The following GALNT13 variants were observed in gnomAD, a reference collection of about 807,000 sequenced individuals.
The protein encoded by GALNT13 is polypeptide N-acetylgalactosaminyltransferase 13, also known as UDP-GalNAc:polypeptide N-acetylgalactosaminyltransferase 13.
A neutral mutation model predicts 64.2 loss-of-function variants in GALNT13; 28 were observed. The ratio of observed to expected loss-of-function variants is 0.44; its 90% CI spans 0.32 to 0.60. The LOEUF is 0.60. Among genes scored for constraint, GALNT13 ranks in the 20% least tolerant of loss-of-function variants. GALNT13 has a pLI of 0.05. For missense variants in GALNT13, 577 were observed against 669.8 expected, an observed-to-expected ratio of 0.86 and a Z score of 1.53; for synonymous variants, 214 against 224.6, an observed-to-expected ratio of 0.95 and a Z score of 0.42.
At chr2:154,109,476 A>G (rs913600883) in intron 3 of GALNT13, among the ~76,000 whole-genome samples, 5 of 150,310 alleles carry the variant, frequency 3.3e-5, no homozygotes, top group African/African-American at 1.2e-4. Flanking sequence ...TTTTTCTCTT[A>G]TCTTATTGCT....
chr2:153,355,258 G>T, the GALNT13 span, among the ~76,000 whole-genome samples: 2 of 152,122 alleles, frequency 1.3e-5, no homozygotes, highest in Admixed American at 6.6e-5. Flanking sequence ...CTAGAAGAAA[G>T]AATATGAATA....
At chr2:154,168,742 C>G (rs1253753727) in intron 4 of GALNT13, among the ~76,000 whole-genome samples, 1 of 150,688 alleles carries the variant, frequency 6.6e-6, no homozygotes, top group Admixed American at 6.6e-5. Flanking sequence ...ACTCAGGAGG[C>G]TGAGGCAGGA....
At chr2:153,754,595 T>G in the GALNT13 span, among the ~76,000 whole-genome samples, 188 of 152,202 alleles carry the variant, frequency 1.2e-3, no homozygotes, top group African/African-American at 4.4e-3. Flanking sequence ...GCTGCTCTGC[T>G]CAAGTAGTAG....
intron 1 of GALNT13, among the ~76,000 whole-genome samples, chr2:153,887,580 ATAT>A (rs901450832): frequency 1.4e-4 from 21 of 151,836 alleles, no homozygotes; most frequent in African/African-American, 4.8e-4. Flanking sequence ...TTCATGATAA[ATAT>A]TATGATATTA....
At chr2:153,699,953 A>C in the GALNT13 span, among the ~76,000 whole-genome samples, 1 of 152,172 alleles carries the variant, frequency 6.6e-6, no homozygotes, top group Non-Finnish European at 1.5e-5. Context: ...ACTATTCAAA[A>C]CAATTGAAAA....
chr2:153,139,978 A>G, the GALNT13 span, among the ~76,000 whole-genome samples: 1 of 151,918 alleles, frequency 6.6e-6, no homozygotes, highest in Admixed American at 6.6e-5. Context: ...TTAGCTATTT[A>G]TTTTCCTCCA....
chr2:153,073,058 T>C, the GALNT13 span, among the ~76,000 whole-genome samples: 2 of 151,914 alleles, frequency 1.3e-5, no homozygotes, highest in East Asian at 3.9e-4. Flanking sequence ...TTTTGACACA[T>C]GCTCTCATTT....
chr2:153,637,113 G>A, the GALNT13 span, among the ~76,000 whole-genome samples: 1 of 152,066 alleles, frequency 6.6e-6, no homozygotes, highest in Admixed American at 6.6e-5. Context: ...CATTTTACCT[G>A]ATTAAATTAT....
the GALNT13 span, among the ~76,000 whole-genome samples, chr2:153,611,679 C>CT: frequency 0.097 from 10,076 of 104,188 alleles, 722 homozygotes; most frequent in South Asian, 0.15. Flanking sequence ...ACATTTTTAC[C>CT]TTTTTTTTTT....
chr2:153,103,663 C>G, the GALNT13 span, among the ~76,000 whole-genome samples: 1 of 152,312 alleles, frequency 6.6e-6, no homozygotes, highest in African/African-American at 2.4e-5. Flanking sequence ...CTTTTTAGCA[C>G]TTTTCAGTAT....
At chr2:154,076,763 A>G (rs764957805) in intron 3 of GALNT13, among the ~76,000 whole-genome samples, 3 of 151,694 alleles carry the variant, frequency 2.0e-5, no homozygotes, top group East Asian at 1.9e-4. Flanking sequence ...TTTATAAAAC[A>G]TTATACTATT....
chr2:153,108,198 G>A, the GALNT13 span, among the ~76,000 whole-genome samples: 1 of 152,158 alleles, frequency 6.6e-6, no homozygotes. Context: ...TGTCTTATAG[G>A]TGGTTCATAG....
the GALNT13 span, among the ~76,000 whole-genome samples, chr2:153,704,826 A>G: frequency 9.2e-5 from 14 of 152,316 alleles, no homozygotes; most frequent in East Asian, 2.7e-3. Flanking sequence ...TTATTGCAGC[A>G]TGAGAACAGA....
At chr2:153,646,232 C>T in the GALNT13 span, among the ~76,000 whole-genome samples, 1 of 151,844 alleles carries the variant, frequency 6.6e-6, no homozygotes, top group African/African-American at 2.4e-5. Context: ...TCCCAAAGTT[C>T]AAAAGCCTTT....
the GALNT13 span, among the ~76,000 whole-genome samples, chr2:153,855,054 C>T: frequency 4.6e-5 from 7 of 152,134 alleles, no homozygotes; most frequent in Admixed American, 4.6e-4. Context: ...AACAAGCCTA[C>T]TTGTATATGC....
chr2:154,227,377 C>A, intron 4 of GALNT13, among the ~76,000 whole-genome samples: 1 of 150,804 alleles, frequency 6.6e-6, no homozygotes, highest in East Asian at 2.0e-4. Flanking sequence ...ATGTGCATAA[C>A]GTGCAGGTTA....
At chr2:153,736,617 A>C in the GALNT13 span, among the ~76,000 whole-genome samples, 1 of 152,058 alleles carries the variant, frequency 6.6e-6, no homozygotes, top group Non-Finnish European at 1.5e-5. Context: ...ATTTCTCTAT[A>C]TCATTCTCTA....
intron 11 of GALNT13, among the ~76,000 whole-genome samples, chr2:154,429,787 G>A (rs1356165583): frequency 6.6e-6 from 1 of 152,110 alleles, no homozygotes; most frequent in African/African-American, 2.4e-5. Context: ...CTCTTGTTAG[G>A]AAAAATATAG....
the GALNT13 span, chr2:153,478,658 C>A: frequency 9.8e-7 from 1 of 1,024,812 alleles, no homozygotes; most frequent in South Asian, 1.7e-5. Flanking sequence ...AGCGCTCACT[C>A]GCAGACTAGC....
Sources: gnomAD v4.1 joint callset for allele counts (sites outside exome capture counted in the v4.1 genomes callset) on GRCh38, gnomAD v4.1.1 for gene constraint, MANE v1.5 for transcripts, NCBI Gene and HGNC (gene_info 2026-07-23, HGNC 2026-07-21) for gene names.